Variants in NEK5 observed in about 807,000 individuals in gnomAD.
NEK5 encodes serine/threonine-protein kinase Nek5.
In NEK5, 88 loss-of-function variants were observed where a neutral mutation model predicts 109.2. The ratio of observed to expected loss-of-function variants is 0.81; its 90% CI spans 0.68 to 0.96. The LOEUF (loss-of-function observed/expected upper bound fraction) is 0.96. Ranked by LOEUF, NEK5 falls within the 40% of genes least tolerant of loss-of-function variation. NEK5 has a pLI of 0.00. For synonymous variants in NEK5, 283 were observed against 299.9 expected (o/e 0.94, Z 0.58); for missense variants, 834 against 920.7 (o/e 0.91, Z 1.22).
intron 4 of NEK5, among the ~76,000 whole-genome samples, chr13:52,116,816 G>A (rs571507964): frequency 3.3e-5 from 5 of 152,158 alleles, no homozygotes; most frequent in African/African-American, 1.2e-4. Flanking sequence ...CTTAGTGAAT[G>A]TTTATTGATG....
chr13:52,120,090 T>C (rs1379345061), intron 3 of NEK5, among the ~76,000 whole-genome samples: 2 of 152,198 alleles, frequency 1.3e-5, no homozygotes, highest in East Asian at 3.8e-4. Flanking sequence ...GCTTTTCTGA[T>C]GTCCACGGGG....
chr13:52,115,717 G>A (rs972834272), intron 4 of NEK5, among the ~76,000 whole-genome samples: 2 of 151,080 alleles, frequency 1.3e-5, no homozygotes, highest in African/African-American at 2.4e-5. Flanking sequence ...TATTGGAAGT[G>A]TCTGGAAAAA....
intron 23 of NEK5, among the ~76,000 whole-genome samples, chr13:52,038,309 G>A (rs1231489943): frequency 2.0e-5 from 3 of 151,550 alleles, no homozygotes; most frequent in Admixed American, 2.0e-4. Flanking sequence ...GAGACAGAGC[G>A]AGACTCCATC....
intron 3 of NEK5, among the ~76,000 whole-genome samples, chr13:52,121,029 G>A (rs1267354433): frequency 6.6e-6 from 1 of 151,934 alleles, no homozygotes; most frequent in Non-Finnish European, 1.5e-5. Flanking sequence ...GCAGCAAAAT[G>A]GACACTCATT....
chr13:52,073,722 AAACCCAAAGACTCG>A (rs1954818849), intron 19 of NEK5, among the ~76,000 whole-genome samples: 1 of 152,186 alleles, frequency 6.6e-6, no homozygotes, highest in Non-Finnish European at 1.5e-5. Context: ...TATAGGTTGA[AAACCCAAAGACTCG>A]ACCCAAAGGT....
intron 20 of NEK5, among the ~76,000 whole-genome samples, chr13:52,067,936 C>A (rs1037487807): frequency 6.6e-6 from 1 of 152,032 alleles, no homozygotes; most frequent in Non-Finnish European, 1.5e-5. Flanking sequence ...GAGAGATCTG[C>A]CCACCTCAGC....
At chr13:52,103,843 T>C (rs35370885) in intron 9 of NEK5, among the ~76,000 whole-genome samples, 3,244 of 152,300 alleles carry the variant, frequency 0.021, 85 homozygotes, top group Admixed American at 0.084. Flanking sequence ...GCTGGAGGAT[T>C]TGGCACATCC....
At chr13:52,098,740 TCA>T (rs1955470311) in intron 12 of NEK5, among the ~76,000 whole-genome samples, 1 of 152,208 alleles carries the variant, frequency 6.6e-6, no homozygotes, top group Non-Finnish European at 1.5e-5. Flanking sequence ...TAGAAGAATT[TCA>T]GTTATAAAAA....
intron 1 of NEK5, 37 bp from the exon 2 acceptor site, chr13:52,127,699 C>A: frequency 2.1e-6 from 1 of 487,516 alleles, no homozygotes; most frequent in Admixed American, 3.8e-5. Context: ...AGACACGGGT[C>A]ATAGCTCAGC....
intron 17 of NEK5, 135 bp downstream of exon 17, chr13:52,083,125 A>T: frequency 1.7e-6 from 1 of 583,394 alleles, no homozygotes; most frequent in Non-Finnish European, 3.1e-6. Flanking sequence ...CAACCTGGCG[A>T]CAGAGTGAGA....
intron 20 of NEK5, among the ~76,000 whole-genome samples, chr13:52,065,854 C>T (rs2137765216): frequency 6.6e-6 from 1 of 152,348 alleles, no homozygotes; most frequent in South Asian, 2.1e-4. Context: ...ATCAGTGACA[C>T]AAATGGACTT....
At chr13:52,056,654 C>T (rs1364244603) in intron 22 of NEK5, among the ~76,000 whole-genome samples, 9 of 149,234 alleles carry the variant, frequency 6.0e-5, no homozygotes, top group African/African-American at 9.8e-5. Context: ...CACTCAAAAC[C>T]GCTCAACTAC....
chr13:52,071,841 G>A (rs1049861545), intron 20 of NEK5, 103 bp downstream of exon 20: 18 of 1,007,958 alleles, frequency 1.8e-5, no homozygotes, highest in Admixed American at 7.7e-5. Flanking sequence ...GCAGAAAGGG[G>A]TCAAGTAACA....
intron 4 of NEK5, among the ~76,000 whole-genome samples, chr13:52,117,733 G>A (rs1468842190): frequency 2.0e-5 from 3 of 152,134 alleles, no homozygotes; most frequent in African/African-American, 7.2e-5. Context: ...TGTAAAGGGC[G>A]ACAAATATGA....
At chr13:52,100,872 T>C (rs1955514764) in intron 11 of NEK5, among the ~76,000 whole-genome samples, 1 of 152,212 alleles carries the variant, frequency 6.6e-6, no homozygotes, top group Admixed American at 6.5e-5. Context: ...ATTCACTTTC[T>C]CTTTAACTTT....
intron 21 of NEK5, among the ~76,000 whole-genome samples, chr13:52,063,045 G>A (rs912696336): frequency 1.3e-5 from 2 of 149,566 alleles, no homozygotes; most frequent in African/African-American, 2.5e-5. Context: ...CTCTCCCCAC[G>A]GTCCCCCTCT....
intron 9 of NEK5, among the ~76,000 whole-genome samples, chr13:52,103,512 T>C (rs2138019244): frequency 6.6e-6 from 1 of 152,218 alleles, no homozygotes; most frequent in South Asian, 2.1e-4. Flanking sequence ...ATGACAGCTG[T>C]GGAGAAAAGA....
intron 17 of NEK5, among the ~76,000 whole-genome samples, chr13:52,077,112 A>G (rs1954883290): frequency 6.6e-6 from 1 of 152,176 alleles, no homozygotes; most frequent in Non-Finnish European, 1.5e-5. Flanking sequence ...GTCTGGGGAG[A>G]GCATTTTCCA....
rs1046030404 is a variant in NEK5, at chr13:52,034,318, G to C, written c.*2630C>G. ...TAATAGTGTGTGTAAAATGGGTAAG[G>C]TCTAGAATTAGGGACTAAAATCAGC... On this transcript the variant is annotated 3_prime_UTR_variant, in exon 24 of 24. Coordinates refer to ENST00000684899, the MANE Select transcript of NEK5 (RefSeq NM_001365552.1). 8.5e-5 allele frequency: 13 copies of C among 152,126 alleles called. No individual in the cohort carries two copies. Among genetic ancestry groups the C allele is most frequent in the African/African-American group, 3.1e-4 (13 of 41,424 alleles). 9.4% of individuals were successfully genotyped at this position (152,126 alleles called of 1,614,324 possible).
Sources: gnomAD v4.1 joint callset for allele counts (sites outside exome capture counted in the v4.1 genomes callset) on GRCh38, gnomAD v4.1.1 for gene constraint, MANE v1.5 for transcripts, NCBI Gene and HGNC (gene_info 2026-07-23, HGNC 2026-07-21) for gene names.